The following JAK3 variants were observed in gnomAD, a reference collection of about 807,000 sequenced individuals.
JAK3 encodes tyrosine-protein kinase JAK3.
In JAK3, 88 loss-of-function variants were observed where a neutral mutation model predicts 120.8. That is an observed-to-expected ratio of 0.73 (90% CI 0.61 to 0.87). JAK3 has a LOEUF of 0.87. Ranked by LOEUF, JAK3 falls within the 40% of genes least tolerant of loss-of-function variation. The pLI is 0.00. For missense variants in JAK3, 1,254 were observed against 1,501.4 expected (o/e 0.84, Z 2.72); for synonymous variants, 592 against 628.6 (o/e 0.94, Z 0.87).
rs1254039823 is a variant in JAK3 at position 17,832,412 on chromosome 19, A to G, written c.2680+107T>C. The stretch of plus-strand genomic sequence containing the variant: ...CCTGTAACCCATGTGAATCTGGATC[A>G]ATAATCACGTTCCCAGCCTACCTAA... On this transcript the variant is annotated intron_variant, in intron 19 of 23. Coordinates refer to ENST00000458235, the MANE Select transcript of JAK3 (RefSeq NM_000215.4). This position sits in a 1 kb window ranked among gnomAD's most constrained non-coding sequence, Gnocchi z 4.7. The G allele has an allele frequency of 6.4e-6, 7 of 1,101,172 alleles. No individual in the cohort carries two copies. In the Admixed American group the frequency reaches 8.5e-5, roughly 13 times the overall value. The allele number at this position is 1,101,172 out of a possible 1,614,324, so 68.2% of individuals were successfully genotyped here.
rs2094203758 is a variant in JAK3 at position 17,826,267 on chromosome 19, C to T, written c.*476G>A. ...GGGTGTGGTGGTGCACACCTGTAATCCCAGCTACTCGGGAGGCTGAGGCAG... is the reference window on the plus strand; with the variant it reads ...GGGTGTGGTGGTGCACACCTGTAATTCCAGCTACTCGGGAGGCTGAGGCAG... On this transcript the variant is annotated 3_prime_UTR_variant, in exon 24 of 24. Coordinates refer to ENST00000458235, the MANE Select transcript of JAK3 (RefSeq NM_000215.4). 1 of 181,296 alleles carries T rather than the reference C, an allele frequency of 5.5e-6. No individual in the cohort carries two copies. The highest frequency in any genetic ancestry group is 5.7e-5 in the Admixed American group (1 of 17,450). 11.2% of individuals were successfully genotyped at this position (181,296 alleles called of 1,614,324 possible).
At chr19:17,827,406 G>A (rs1166481268) in intron 23 of JAK3, among the ~76,000 whole-genome samples, 1 of 151,496 alleles carries the variant, frequency 6.6e-6, no homozygotes, top group Non-Finnish European at 1.5e-5. Context: ...GGAATGCAGT[G>A]GTGCGATCTC....
chr19:17,842,448 C>T lies in JAK3; in HGVS notation c.729G>A (p.Glu243=), dbSNP rs201994765. ...CGGCGGCCCCGGCTGGATCCAGCCG[C>T]TCCAGGTCCATGATGTACTTGGCCA... ...SLMAKYIMDL[E]RLDPAGAAET... The change falls in exon 6 of 24, where the codon GAG becomes GAA. Residue 243 remains glutamate, a synonymous_variant. Coordinates refer to ENST00000458235, the MANE Select transcript of JAK3 (RefSeq NM_000215.4). This position sits in a 1 kb window ranked among gnomAD's most constrained non-coding sequence, Gnocchi z 6.4. The T allele has an allele frequency of 1.3e-6, 2 of 1,595,108 alleles. No individual in the cohort carries two copies. The highest frequency in any genetic ancestry group is 1.7e-6 in the Non-Finnish European group (2 of 1,172,446).
chr19:17,847,894 A>C, intron 1 of JAK3, 52 bp downstream of exon 1: 4 of 740,560 alleles, frequency 5.4e-6, no homozygotes, highest in Non-Finnish European at 6.7e-6. Context: ...CCCCGCCACC[A>C]CCATCCTCCC....
Position 17,836,016 on chromosome 19 carries a change from T to C in JAK3, c.1822A>G (p.Ile608Val), listed in dbSNP as rs764401083. Reference sequence around the variant, plus strand: ...CCACGTTTTCGCAGATACATGTCTATGGCCCCCAGGTGTACAAATTCCTGC... The same window carrying C: ...CCACGTTTTCGCAGATACATGTCTACGGCCCCCAGGTGTACAAATTCCTGC... ...MVQEFVHLGA[I>V]DMYLRKRGHL... Residue 608 changes from isoleucine (I) to valine (V), a missense_variant, in exon 14 of 24, where the codon ATA (isoleucine) becomes GTA (valine). By Grantham distance (29) the Ile-to-Val change is conservative. Coordinates refer to ENST00000458235, the MANE Select transcript of JAK3 (RefSeq NM_000215.4). The C allele has an allele frequency of 1.9e-6, 3 of 1,614,088 alleles. No individual in the cohort carries two copies. Among genetic ancestry groups the C allele is most frequent in the Non-Finnish European group, 1.7e-6 (2 of 1,180,040 alleles).
rs368403369 is a variant in JAK3 at position 17,832,868 on chromosome 19, A to G, written c.2412T>C (p.Asn804=). 45 of 1,614,182 alleles carry G rather than the reference A, an allele frequency of 2.8e-5. No individual in the cohort carries two copies. The African/African-American group carries it at 3.5e-4, about 12-fold the overall frequency. ...CTTGGCAGGCATAGAGCTGGGCACC[A>G]TTCCACAGCCCATCACGAGGTGCCA... ...GALAPRDGLW[N]GAQLYACQDP... is the part of the protein sequence containing the mutation. The change falls in exon 18 of 24, where the codon AAT becomes AAC. Residue 804 remains asparagine (N), a synonymous_variant. Transcript: ENST00000458235. The surrounding 1 kb of genome is among the most constrained non-coding windows in gnomAD (Gnocchi z 4.7).
intron 21 of JAK3, 96 bp from the exon 22 acceptor site, chr19:17,830,716 A>T (rs890917762): frequency 3.3e-5 from 32 of 965,822 alleles, no homozygotes; most frequent in Non-Finnish European, 4.9e-5. Context: ...GTAGGTGGGG[A>T]CTGTGAGCAG....
intron 17 of JAK3, among the ~76,000 whole-genome samples, 175 bp downstream of exon 17, chr19:17,834,396 G>C (rs1410195965): frequency 1.3e-5 from 2 of 152,120 alleles, no homozygotes; most frequent in East Asian, 3.9e-4. Flanking sequence ...GTTGAACCTT[G>C]AACTGAGGGG....
chr19:17,833,669 G>A (rs1276476901), intron 17 of JAK3, among the ~76,000 whole-genome samples: 1 of 151,550 alleles, frequency 6.6e-6, no homozygotes, highest in African/African-American at 2.4e-5. Context: ...CGGCCAACAT[G>A]GCAAAACCCT....
Position 17,843,473 on chromosome 19 carries a change from C to A in JAK3, c.327G>T (p.Trp109Cys). The A allele has an allele frequency of 6.3e-7, 1 of 1,597,722 alleles. No individual in the cohort carries two copies. The highest frequency in any genetic ancestry group is 8.5e-7 in the Non-Finnish European group (1 of 1,172,022). Residue 109 changes from tryptophan to cysteine, a missense_variant, in exon 4 of 24, where the codon TGG (tryptophan) becomes TGT (cysteine). Trp to Cys is a radical substitution (Grantham distance 215). Coordinates refer to ENST00000458235, the MANE Select transcript of JAK3 (RefSeq NM_000215.4). The surrounding 1 kb of genome is among the most constrained non-coding windows in gnomAD (Gnocchi z 5.4). The stretch of plus-strand genomic sequence containing the variant: ...AGCGGTGGCACTTCTCCAGCCCAAA[C>A]CAATTGGGGAAGTAAAAGCTGTGAG... The part of the protein sequence containing the change: ...LYRIRFYFPN[W>C]FGLEKCHRFG...
At position 17,837,977 on chromosome 19, in the gene JAK3, CTCTG is replaced by C; in HGVS notation, c.1652_1655del (p.Thr551ArgfsTer4). 4.3e-6 allele frequency: 7 copies of C among 1,614,146 alleles called. No individual in the cohort carries two copies. Among genetic ancestry groups the C allele is most frequent in the Non-Finnish European group, 5.9e-6 (7 of 1,180,032 alleles). The stretch of plus-strand genomic sequence containing the variant: ...TGGCATCCATGACCTTCAGCAGCAC[CTCTG>C]TCTTTCGGGCCTCCCCATCCACCAC... On this transcript the variant is annotated frameshift_variant, in exon 12 of 24. Coordinates refer to ENST00000458235, the MANE Select transcript of JAK3 (RefSeq NM_000215.4). LOFTEE classifies it high-confidence loss of function.
chr19:17,844,546 C>A, intron 1 of JAK3, 116 bp from the exon 2 acceptor site: 1 of 896,890 alleles, frequency 1.1e-6, no homozygotes, highest in South Asian at 1.7e-5. Context: ...TGCCTGTAAT[C>A]ACAGCATTTT....
rs2094241306 is a variant in JAK3, at chr19:17,842,266, CGA to C, written c.861+48_861+49del. On this transcript the variant is annotated intron_variant, in intron 6 of 23. Transcript: ENST00000458235. The surrounding 1 kb of genome is among the most constrained non-coding windows in gnomAD (Gnocchi z 6.4). ...CCCCTACCACTCTCCGGCCCCTCCC[CGA>C]GCCCCGCCCCCACGTTGGCCCCGCC... 1.3e-5 allele frequency: 18 copies of C among 1,403,952 alleles called. No individual in the cohort carries two copies. Among genetic ancestry groups the C allele is most frequent in the East Asian group, 2.5e-5 (1 of 40,486 alleles). The allele number at this position is 1,403,952 out of a possible 1,614,324, so 87.0% of individuals were successfully genotyped here.
At chr19:17,837,073 G>T in intron 13 of JAK3, 56 bp downstream of exon 13, 3 of 1,139,696 alleles carry the variant, frequency 2.6e-6, no homozygotes, top group South Asian at 1.3e-5. Context: ...GAGGTGGGAA[G>T]AACAGCCTAG....
chr19:17,838,081 A>C lies in JAK3; in HGVS notation c.1570-18T>G, dbSNP rs1294060054. On this transcript the variant is annotated intron_variant, in intron 11 of 23. Coordinates refer to ENST00000458235, the MANE Select transcript of JAK3 (RefSeq NM_000215.4). ...TTCTCATGCTGAATGGTGAGGGGAC[A>C]GCAGAAGAGGCCAGTGAGGGGGTTC... 5.0e-6 allele frequency: 8 copies of C among 1,614,146 alleles called. No homozygotes were observed. Among genetic ancestry groups the C allele is most frequent in the Middle Eastern group, 3.3e-4 (2 of 6,062 alleles).
chr19:17,841,778 A>T lies in JAK3; in HGVS notation c.862-16T>A, dbSNP rs377041608. 59 of 1,600,974 alleles carry T rather than the reference A, an allele frequency of 3.7e-5. No individual in the cohort carries two copies. Among genetic ancestry groups the T allele is most frequent in the Non-Finnish European group, 4.0e-5 (47 of 1,179,728 alleles). On this transcript the variant is annotated splice_polypyrimidine_tract_variant and intron_variant, in intron 6 of 23. Coordinates refer to ENST00000458235, the MANE Select transcript of JAK3 (RefSeq NM_000215.4). The surrounding 1 kb of genome is among the most constrained non-coding windows in gnomAD (Gnocchi z 4.1). The stretch of plus-strand genomic sequence containing the variant: ...GCTGGAGGACCTGGGAAGGAGGGGG[A>T]GTACCGAAGTGGGGGCCCAGCTGGA...
chr19:17,826,089 T>TA lies in JAK3; in HGVS notation c.*653dup, dbSNP rs943397238. Reference sequence around the variant, plus strand: ...CTCTTAAAAATAATAATAATAAATTTAAAAAAAAAAAAGCCTGGGTGCAGT... The same window carrying TA: ...CTCTTAAAAATAATAATAATAAATTTAAAAAAAAAAAAAGCCTGGGTGCAGT... On this transcript the variant is annotated 3_prime_UTR_variant, in exon 24 of 24. Transcript: ENST00000458235. 3.7e-4 allele frequency: 52 copies of TA among 139,784 alleles called. 1 individual carries two copies. The highest frequency in any genetic ancestry group is 4.4e-4 in the East Asian group (2 of 4,586). The allele number at this position is 139,784 out of a possible 1,614,324, so 8.7% of individuals were successfully genotyped here.
Position 17,842,245 on chromosome 19 carries a change from T to C in JAK3, c.861+71A>G, listed in dbSNP as rs1568406865. On this transcript the variant is annotated intron_variant, in intron 6 of 23. Coordinates refer to ENST00000458235, the MANE Select transcript of JAK3 (RefSeq NM_000215.4). This position sits in a 1 kb window ranked among gnomAD's most constrained non-coding sequence, Gnocchi z 6.4. Reference sequence around the variant, plus strand: ...CGTTTTGGCTCCGCCCCACATCCCCTACCACTCTCCGGCCCCTCCCCGAGC... The same window carrying C: ...CGTTTTGGCTCCGCCCCACATCCCCCACCACTCTCCGGCCCCTCCCCGAGC... 7.2e-7 allele frequency: 1 copy of C among 1,387,104 alleles called. No individual in the cohort carries two copies. Among genetic ancestry groups the C allele is most frequent in the Non-Finnish European group, 9.5e-7 (1 of 1,056,196 alleles). The allele number at this position is 1,387,104 out of a possible 1,614,324, so 85.9% of individuals were successfully genotyped here.
In JAK3 at chr19:17,841,648, G is replaced by T; in HGVS notation, c.976C>A (p.Gln326Lys). 6.2e-7 allele frequency: 1 copy of T among 1,613,962 alleles called. No individual in the cohort carries two copies. The highest frequency in any genetic ancestry group is 8.5e-7 in the Non-Finnish European group (1 of 1,179,940). ...RLVTVTRTDN[Q>K]ILEAEFPGLP... ...GGGAATCCTGCACCCACTAAAATCT[G>T]GTTGTCTGTCCTGGTAACAGTGACC... Residue 326 changes from glutamine to lysine, a missense_variant, in exon 7 of 24, where the codon CAG becomes AAG. Physicochemically the swap from Gln to Lys is moderately conservative, Grantham distance 53. This residue lies in a region of JAK3 where 486 missense variants were observed against 503.0 expected (regional missense o/e 0.97). Coordinates refer to ENST00000458235, the MANE Select transcript of JAK3 (RefSeq NM_000215.4). This position sits in a 1 kb window ranked among gnomAD's most constrained non-coding sequence, Gnocchi z 4.1.
Sources: allele counts gnomAD v4.1 joint callset (sites outside exome capture counted in the v4.1 genomes callset), GRCh38; gene constraint gnomAD v4.1.1; regional missense constraint gnomAD v4.1.1; non-coding constraint Gnocchi (gnomAD v3.1); transcripts MANE v1.5; gene names NCBI Gene and HGNC (gene_info 2026-07-23, HGNC 2026-07-21).